NBEA: variants seen among roughly 807,000 people sequenced by gnomAD.
NBEA encodes neurobeachin.
Under a neutral mutation model 343.4 loss-of-function variants are expected in NBEA, and 44 were observed. The ratio of observed to expected loss-of-function variants is 0.13; its 90% CI spans 0.10 to 0.16. The LOEUF (loss-of-function observed/expected upper bound fraction) is 0.16, where lower values mean the gene tolerates loss of function less well. Ranked by LOEUF, NBEA falls within the 10% of genes least tolerant of loss-of-function variation. The pLI, the probability that NBEA is intolerant of heterozygous loss-of-function variation, is 1.00. For synonymous variants in NBEA, 1,175 were observed against 1,238.7 expected (o/e 0.95, Z 1.08); for missense variants, 2,555 against 3,631.3 (o/e 0.70, Z 7.62).
intron 1 of NBEA, among the ~76,000 whole-genome samples, chr13:34,952,849 A>G (rs888960742): frequency 6.6e-6 from 1 of 152,112 alleles, no homozygotes; most frequent in African/African-American, 2.4e-5. Context: ...TACATTTGGG[A>G]AGGGAATTGG....
intron 46 of NBEA, among the ~76,000 whole-genome samples, chr13:35,592,303 A>G (rs1385978020): frequency 6.6e-6 from 1 of 152,118 alleles, no homozygotes; most frequent in Non-Finnish European, 1.5e-5. Context: ...TCAACAGATT[A>G]TATATTGAGC....
intron 34 of NBEA, among the ~76,000 whole-genome samples, chr13:35,237,393 G>A (rs1566500400): frequency 6.6e-6 from 1 of 152,166 alleles, no homozygotes; most frequent in Non-Finnish European, 1.5e-5. Flanking sequence ...CTGTAGAAAT[G>A]TATGTCCTTT....
At chr13:35,636,692 G>C (rs914646199) in intron 49 of NBEA, among the ~76,000 whole-genome samples, 5 of 152,092 alleles carry the variant, frequency 3.3e-5, no homozygotes. Context: ...TATTCAACCA[G>C]GGAAAATTTG....
chr13:35,612,155 C>T (rs571739548), intron 48 of NBEA, among the ~76,000 whole-genome samples: 2 of 149,678 alleles, frequency 1.3e-5, no homozygotes, highest in Non-Finnish European at 1.5e-5. Flanking sequence ...TTTTTTGAGA[C>T]AGAGTCTCGC....
intron 38 of NBEA, among the ~76,000 whole-genome samples, chr13:35,423,905 T>C (rs1014052530): frequency 6.6e-6 from 1 of 152,218 alleles, no homozygotes; most frequent in African/African-American, 2.4e-5. Flanking sequence ...TTATTCTCTT[T>C]GAAGCAATTG....
intron 38 of NBEA, among the ~76,000 whole-genome samples, chr13:35,386,426 C>G (rs2042246306): frequency 6.6e-6 from 1 of 152,090 alleles, no homozygotes; most frequent in South Asian, 2.1e-4. Context: ...TTTATTAATG[C>G]TTAATGCCAC....
intron 34 of NBEA, among the ~76,000 whole-genome samples, chr13:35,277,650 T>G (rs374770068): frequency 0.075 from 5,701 of 76,312 alleles, 123 homozygotes; most frequent in South Asian, 0.12. Flanking sequence ...AAAAAAAAAG[T>G]GGGGGAAACA....
At chr13:35,124,217 A>C (rs1043287285) in intron 17 of NBEA, among the ~76,000 whole-genome samples, 7 of 150,662 alleles carry the variant, frequency 4.6e-5, no homozygotes, top group African/African-American at 1.5e-4. Flanking sequence ...AAATGTTACT[A>C]GATGAGGTTC....
intron 27 of NBEA, among the ~76,000 whole-genome samples, chr13:35,174,565 G>A (rs1593610575): frequency 6.6e-6 from 1 of 152,132 alleles, no homozygotes; most frequent in East Asian, 1.9e-4. Context: ...CTATTCGTTG[G>A]TTATTTGCAG....
intron 1 of NBEA, among the ~76,000 whole-genome samples, chr13:34,962,584 G>A (rs775991802): frequency 2.6e-5 from 4 of 152,060 alleles, no homozygotes; most frequent in Non-Finnish European, 5.9e-5. Context: ...AGAATCAAAT[G>A]TTGGAGTTTG....
At chr13:35,648,636 A>G (rs1007177970) in intron 51 of NBEA, among the ~76,000 whole-genome samples, 5 of 152,186 alleles carry the variant, frequency 3.3e-5, no homozygotes, top group East Asian at 1.9e-4. Context: ...GAATTCATAT[A>G]TACTGCAAAC....
At chr13:35,223,402 T>A (rs1297489375) in intron 33 of NBEA, among the ~76,000 whole-genome samples, 1 of 152,184 alleles carries the variant, frequency 6.6e-6, no homozygotes, top group African/African-American at 2.4e-5. Flanking sequence ...ATTTTTTGGC[T>A]ACATATAAAA....
At chr13:35,574,395 A>G (rs1409022307) in intron 45 of NBEA, among the ~76,000 whole-genome samples, 1 of 122,800 alleles carries the variant, frequency 8.1e-6, no homozygotes, top group Non-Finnish European at 1.7e-5. Flanking sequence ...AAAAAGAAAA[A>G]CAAAAGAAAA....
intron 8 of NBEA, among the ~76,000 whole-genome samples, chr13:35,063,656 C>T (rs2063544255): frequency 6.6e-6 from 1 of 151,734 alleles, no homozygotes; most frequent in Non-Finnish European, 1.5e-5. Flanking sequence ...CAGCCTGATA[C>T]CAATTTGAAA....
At chr13:35,566,838 T>G in intron 44 of NBEA, 67 bp from the exon 45 acceptor site, 1 of 869,138 alleles carries the variant, frequency 1.2e-6, no homozygotes, top group Non-Finnish European at 1.9e-6. Context: ...AGATGCTTTG[T>G]AAAAACAGAA....
chr13:35,070,202 T>C (rs1314892153), intron 9 of NBEA, 97 bp downstream of exon 9: 1 of 1,243,202 alleles, frequency 8.0e-7, no homozygotes, highest in East Asian at 2.8e-5. Flanking sequence ...ATCTATGATT[T>C]TTTTGCTTCT....
At chr13:35,488,460 T>C (rs564248007) in intron 41 of NBEA, among the ~76,000 whole-genome samples, 21 of 152,086 alleles carry the variant, frequency 1.4e-4, no homozygotes, top group African/African-American at 5.1e-4. Context: ...TTTTGGCATT[T>C]ATCAATTTTG....
chr13:35,532,611 T>G (rs2078319035), intron 41 of NBEA, among the ~76,000 whole-genome samples: 1 of 152,130 alleles, frequency 6.6e-6, no homozygotes, highest in African/African-American at 2.4e-5. Flanking sequence ...ACATTTCTGA[T>G]CTATATTGGC....
intron 17 of NBEA, among the ~76,000 whole-genome samples, chr13:35,129,897 T>G (rs2067324048): frequency 6.6e-6 from 1 of 151,974 alleles, no homozygotes; most frequent in Non-Finnish European, 1.5e-5. Flanking sequence ...AATATTTTAG[T>G]AAAGAAAACA....
Sources: allele counts gnomAD v4.1 joint callset (sites outside exome capture counted in the v4.1 genomes callset), GRCh38; gene constraint gnomAD v4.1.1; transcripts MANE v1.5; gene names NCBI Gene and HGNC (gene_info 2026-07-23, HGNC 2026-07-21).